Variants in AKR1C8 observed in about 807,000 individuals in gnomAD.
AKR1C8 encodes the protein aldo-keto reductase family 1 member C-like protein 1.
At chr10:5,154,112 T>A in the AKR1C8 span, 1 of 465,870 alleles carries the variant, frequency 2.1e-6, no homozygotes, top group South Asian at 1.6e-5. Flanking sequence ...AGGAGGAAAT[T>A]GTGGTGGTAA....
the AKR1C8 span, among the ~76,000 whole-genome samples, chr10:5,178,050 T>C: frequency 6.6e-6 from 1 of 152,180 alleles, no homozygotes; most frequent in Non-Finnish European, 1.5e-5. Flanking sequence ...CTTGCTTTTC[T>C]AGTTCTTTTA....
chr10:5,144,213 G>A, the AKR1C8 span, among the ~76,000 whole-genome samples: 1 of 152,080 alleles, frequency 6.6e-6, no homozygotes, highest in African/African-American at 2.4e-5. Context: ...TGAGGGCTCT[G>A]TTCTGTTCCA....
At chr10:5,154,336 G>A in the AKR1C8 span, 7 of 272,146 alleles carry the variant, frequency 2.6e-5, no homozygotes, top group Admixed American at 1.3e-4. Flanking sequence ...GAGGGGATGA[G>A]ATGCATTTCT....
the AKR1C8 span, among the ~76,000 whole-genome samples, chr10:5,128,755 T>C: frequency 6.6e-6 from 1 of 152,074 alleles, no homozygotes; most frequent in Non-Finnish European, 1.5e-5. Flanking sequence ...CTTAAATTTA[T>C]ATGCACCTAA....
At chr10:5,127,028 C>T in the AKR1C8 span, among the ~76,000 whole-genome samples, 1 of 152,000 alleles carries the variant, frequency 6.6e-6, no homozygotes, top group Non-Finnish European at 1.5e-5. Context: ...GGTAATATGA[C>T]CAAACAAGAT....
chr10:5,140,395 C>A, the AKR1C8 span, among the ~76,000 whole-genome samples: 6 of 152,110 alleles, frequency 3.9e-5, no homozygotes, highest in Admixed American at 3.3e-4. Context: ...TTGGAACCAA[C>A]CCAAATGTCC....
the AKR1C8 span, among the ~76,000 whole-genome samples, chr10:5,147,409 C>G: frequency 6.6e-6 from 1 of 152,154 alleles, no homozygotes; most frequent in East Asian, 1.9e-4. Flanking sequence ...AAAAGTTCAT[C>G]TCAGACTCAA....
At chr10:5,131,129 A>G in the AKR1C8 span, among the ~76,000 whole-genome samples, 1 of 152,064 alleles carries the variant, frequency 6.6e-6, no homozygotes, top group Non-Finnish European at 1.5e-5. Context: ...GGTAAGCCAC[A>G]TGTAGAAGAA....
chr10:5,126,498 G>A, the AKR1C8 span, among the ~76,000 whole-genome samples: 132,676 of 152,032 alleles, frequency 0.87, 58,157 homozygotes, highest in African/African-American at 0.96. Flanking sequence ...AGGGAATCCA[G>A]TTGAGAGCTC....
the AKR1C8 span, among the ~76,000 whole-genome samples, chr10:5,119,377 A>G: frequency 1.6e-4 from 25 of 152,326 alleles, no homozygotes; most frequent in African/African-American, 4.8e-4. Context: ...TACTTCTGTT[A>G]TATATAAAAG....
chr10:5,148,327 A>G, the AKR1C8 span, among the ~76,000 whole-genome samples: 1 of 152,162 alleles, frequency 6.6e-6, no homozygotes, highest in East Asian at 1.9e-4. Flanking sequence ...TGAGTCAGCA[A>G]TAACACTCAT....
At chr10:5,160,422 G>T in the AKR1C8 span, among the ~76,000 whole-genome samples, 3 of 151,936 alleles carry the variant, frequency 2.0e-5, no homozygotes, top group African/African-American at 7.3e-5. Flanking sequence ...GTTTTTCAAG[G>T]GCAGGTTCAC....
chr10:5,136,487 C>T, the AKR1C8 span, among the ~76,000 whole-genome samples: 6 of 152,124 alleles, frequency 3.9e-5, no homozygotes, highest in African/African-American at 9.7e-5. Flanking sequence ...GCAGAGGCTA[C>T]AGTGAGCCAA....
chr10:5,142,793 GT>G, the AKR1C8 span, among the ~76,000 whole-genome samples: 1 of 152,102 alleles, frequency 6.6e-6, no homozygotes, highest in African/African-American at 2.4e-5. Flanking sequence ...TACAGTGGAA[GT>G]TTGAAATATT....
the AKR1C8 span, among the ~76,000 whole-genome samples, chr10:5,148,528 AC>A: frequency 6.6e-6 from 1 of 152,126 alleles, no homozygotes; most frequent in Non-Finnish European, 1.5e-5. Flanking sequence ...AGGGTAAAGA[AC>A]AAATATTTGA....
chr10:5,177,723 G>A, the AKR1C8 span, among the ~76,000 whole-genome samples: 9 of 152,194 alleles, frequency 5.9e-5, no homozygotes, highest in East Asian at 5.8e-4. Flanking sequence ...TGTATGTGTC[G>A]AGGAATTTAT....
chr10:5,148,929 G>C, the AKR1C8 span, among the ~76,000 whole-genome samples: 1 of 151,458 alleles, frequency 6.6e-6, no homozygotes, highest in South Asian at 2.1e-4. Flanking sequence ...AAGAAAGCAG[G>C]GACAGAAAGA....
the AKR1C8 span, among the ~76,000 whole-genome samples, chr10:5,180,288 G>A: frequency 9.2e-5 from 14 of 152,168 alleles, no homozygotes; most frequent in African/African-American, 2.9e-4. Context: ...GCAGAACAGC[G>A]GATTTTCATG....
the AKR1C8 span, chr10:5,158,819 A>G: frequency 2.4e-6 from 1 of 416,714 alleles, no homozygotes; most frequent in East Asian, 7.6e-5. Flanking sequence ...GATGTACTAT[A>G]CTTTTCATGT....
Sources: gnomAD v4.1 joint callset for allele counts (sites outside exome capture counted in the v4.1 genomes callset) on GRCh38, gnomAD v4.1.1 for gene constraint, MANE v1.5 for transcripts, NCBI Gene and HGNC (gene_info 2026-07-23, HGNC 2026-07-21) for gene names.